The following CAST variants were observed in gnomAD, a reference collection of about 807,000 sequenced individuals.
The protein encoded by CAST is calpastatin, also known as MIR583 host.
CAST carries 76 observed loss-of-function variants against 119.6 expected under a neutral mutation model. The ratio of observed to expected loss-of-function variants is 0.64; its 90% CI spans 0.53 to 0.77. The LOEUF (loss-of-function observed/expected upper bound fraction) is 0.77. Ranked by LOEUF, CAST falls within the 30% of genes least tolerant of loss-of-function variation. The pLI, the probability that CAST is intolerant of heterozygous loss-of-function variation, is 0.00. For synonymous variants in CAST, 319 were observed against 331.6 expected (o/e 0.96, Z 0.41); for missense variants, 953 against 946.5 (o/e 1.01, Z -0.09).
chr5:96,451,784 A>C, the CAST span, among the ~76,000 whole-genome samples: 1 of 152,246 alleles, frequency 6.6e-6, no homozygotes, highest in Non-Finnish European at 1.5e-5. Flanking sequence ...AAAGAACTTA[A>C]ACAGATTTAC....
chr5:96,590,077 T>G (rs559759524), intron 1 of CAST, among the ~76,000 whole-genome samples: 1 of 152,368 alleles, frequency 6.6e-6, no homozygotes, highest in East Asian at 1.9e-4. Flanking sequence ...TGCTAACTAA[T>G]TTTAAAAGTG....
chr5:96,390,007 C>T, the CAST span, among the ~76,000 whole-genome samples: 1 of 152,178 alleles, frequency 6.6e-6, no homozygotes, highest in Non-Finnish European at 1.5e-5. Flanking sequence ...CACTTAGCTG[C>T]TTTACTCTAG....
the CAST span, among the ~76,000 whole-genome samples, chr5:96,107,450 C>G: frequency 6.6e-6 from 1 of 151,876 alleles, no homozygotes; most frequent in Admixed American, 6.6e-5. Context: ...ATTTGCTTGT[C>G]TGTAAAGTAT....
chr5:95,969,831 T>C, the CAST span, among the ~76,000 whole-genome samples: 1 of 152,158 alleles, frequency 6.6e-6, no homozygotes, highest in South Asian at 2.1e-4. Context: ...AAAATGTGAG[T>C]CTTAGGCCTC....
chr5:96,719,698 G>A (rs112491801), intron 3 of CAST, among the ~76,000 whole-genome samples: 4,134 of 152,282 alleles, frequency 0.027, 83 homozygotes, highest in Non-Finnish European at 0.04. Flanking sequence ...GTATTTTGGT[G>A]TATATGAGCA....
chr5:96,227,485 T>A, the CAST span, among the ~76,000 whole-genome samples: 1 of 152,190 alleles, frequency 6.6e-6, no homozygotes, highest in Non-Finnish European at 1.5e-5. Flanking sequence ...CAAAGTTAAA[T>A]TGAATGACTC....
chr5:96,342,408 G>A, the CAST span, among the ~76,000 whole-genome samples: 1 of 152,180 alleles, frequency 6.6e-6, no homozygotes, highest in Non-Finnish European at 1.5e-5. Context: ...ATTTTCCAAT[G>A]CAGCGGGGCT....
intron 1 of CAST, among the ~76,000 whole-genome samples, chr5:96,605,050 G>T (rs983690751): frequency 1.3e-5 from 2 of 152,168 alleles, no homozygotes; most frequent in Non-Finnish European, 2.9e-5. Context: ...GAGGGAAGGA[G>T]ATGGGACATT....
intron 3 of CAST, among the ~76,000 whole-genome samples, chr5:96,698,538 T>C (rs1753555616): frequency 6.6e-6 from 1 of 152,250 alleles, no homozygotes; most frequent in Non-Finnish European, 1.5e-5. Flanking sequence ...TCATATTTTT[T>C]ACTTTTATAA....
chr5:96,618,784 C>G (rs748212714), intron 1 of CAST, among the ~76,000 whole-genome samples: 2 of 152,218 alleles, frequency 1.3e-5, no homozygotes, highest in African/African-American at 4.8e-5. Context: ...CCACCATGCC[C>G]GAGCCTCCCC....
At chr5:96,661,257 TAAAAA>T (rs59810319), upstream of CAST, among the ~76,000 whole-genome samples, 5 of 67,938 alleles carry the variant, frequency 7.4e-5, no homozygotes, top group Admixed American at 2.0e-4. Context: ...TCTCTACCAT[TAAAAA>T]AAAAAAAAAA....
chr5:96,131,956 C>A, the CAST span, among the ~76,000 whole-genome samples: 1 of 152,006 alleles, frequency 6.6e-6, no homozygotes, highest in African/African-American at 2.4e-5. Context: ...AGACACAAAC[C>A]CAACTGGATA....
chr5:96,170,999 G>A, the CAST span, among the ~76,000 whole-genome samples: 13 of 152,206 alleles, frequency 8.5e-5, no homozygotes, highest in South Asian at 1.5e-3. Context: ...AGATGGGTCC[G>A]TAGAAAAGGA....
chr5:96,401,596 G>C, the CAST span, among the ~76,000 whole-genome samples: 33 of 152,346 alleles, frequency 2.2e-4, 1 homozygote, highest in Admixed American at 2.0e-3. Context: ...ATTATACTAT[G>C]ATGAGGCCTT....
the CAST span, among the ~76,000 whole-genome samples, chr5:96,180,788 A>T: frequency 6.6e-6 from 1 of 152,190 alleles, no homozygotes; most frequent in African/African-American, 2.4e-5. Flanking sequence ...TCTAGCTGTG[A>T]TTTCTTCATG....
At chr5:96,407,574 AC>A in the CAST span, among the ~76,000 whole-genome samples, 1 of 152,198 alleles carries the variant, frequency 6.6e-6, no homozygotes, top group African/African-American at 2.4e-5. Flanking sequence ...TTGCCCTTTG[AC>A]CCAGAAATTC....
At chr5:96,667,304 T>G (rs890821673) in intron 1 of CAST, among the ~76,000 whole-genome samples, 4 of 152,228 alleles carry the variant, frequency 2.6e-5, no homozygotes, top group African/African-American at 9.6e-5. Flanking sequence ...CCACCTGCTG[T>G]GTGTCAGTTT....
chr5:96,421,809 G>A, the CAST span: 1 of 845,250 alleles, frequency 1.2e-6, no homozygotes, highest in Non-Finnish European at 2.1e-6. Flanking sequence ...TGAAATATAT[G>A]GTATAATTTT....
chr5:96,525,137 G>A (rs1450513638), upstream of CAST: 1 of 152,230 alleles, frequency 6.6e-6, no homozygotes, highest in Non-Finnish European at 1.5e-5. Flanking sequence ...GTGTTACATT[G>A]CTTAGAGAGC....
Sources: allele counts gnomAD v4.1 joint callset (sites outside exome capture counted in the v4.1 genomes callset), GRCh38; gene constraint gnomAD v4.1.1; transcripts MANE v1.5; gene names NCBI Gene and HGNC (gene_info 2026-07-23, HGNC 2026-07-21).